PTPRT: variants seen among roughly 807,000 people sequenced by gnomAD.
PTPRT encodes the protein receptor-type tyrosine-protein phosphatase T.
Under a neutral mutation model 176.8 loss-of-function variants are expected in PTPRT, and 56 were observed. The ratio of observed to expected loss-of-function variants is 0.32; its 90% CI spans 0.26 to 0.40. The LOEUF (loss-of-function observed/expected upper bound fraction) is 0.40. Ranked by LOEUF, PTPRT falls within the 10% of genes least tolerant of loss-of-function variation. The probability of loss-of-function intolerance (pLI) is 1.00; values close to 1 mark genes in which losing one functional copy is unlikely to be tolerated. For synonymous variants in PTPRT, 783 were observed against 739.0 expected, an observed-to-expected ratio of 1.06 and a Z score of -0.96; for missense variants, 1,540 against 1,908.2, an observed-to-expected ratio of 0.81 and a Z score of 3.60.
In PTPRT at chr20:43,010,729, G is replaced by GA. The variant is rs140518179; in HGVS notation, c.89-124798dup. Among the ~76,000 whole-genome samples the GA allele has an allele frequency of 9.4e-4, 133 of 141,142 alleles. 1 individual carries two copies. Among genetic ancestry groups the GA allele is most frequent in the South Asian group, 3.9e-3 (17 of 4,340 alleles). 92.6% of individuals were successfully genotyped at this position (141,142 alleles called of 152,430 possible). A position where few individuals can be genotyped will look rare whatever the true frequency, so the allele number is the denominator to read the frequency against. On this transcript the variant is annotated intron_variant, in intron 1 of 30. Transcript: ENST00000373187. The stretch of plus-strand genomic sequence containing the variant: ...AGTTGCATGAATCCACCACTTGCAA[G>GA]AAAAAAAAAAAAAGAATAAAAGGCA...
At chr20:42,628,743 A>T (rs1336999658) in intron 7 of PTPRT, among the ~76,000 whole-genome samples, 1 of 152,202 alleles carries the variant, frequency 6.6e-6, no homozygotes, top group Non-Finnish European at 1.5e-5. Flanking sequence ...AGCAAAATTC[A>T]GCCCATGGGC....
intron 16 of PTPRT, among the ~76,000 whole-genome samples, chr20:42,184,583 T>TTCTTCTTCTTCTTCTTCC (rs1471645810): frequency 7.1e-6 from 1 of 141,628 alleles, no homozygotes; most frequent in Admixed American, 7.3e-5. Flanking sequence ...CTTCTTCTTC[T>TTCTTCTTCTTCTTCTTCC]TCTTCTTCTT....
chr20:42,380,521 A>C (rs985516227), intron 9 of PTPRT, among the ~76,000 whole-genome samples: 4 of 152,182 alleles, frequency 2.6e-5, no homozygotes, highest in African/African-American at 9.7e-5. Context: ...GGAACAGAGA[A>C]TGTGTCTCCC....
intron 1 of PTPRT, among the ~76,000 whole-genome samples, chr20:42,955,023 G>T (rs1188178605): frequency 6.7e-6 from 1 of 149,872 alleles, no homozygotes; most frequent in African/African-American, 2.5e-5. Flanking sequence ...GAGGGAGGAG[G>T]AGTTACACAG....
Position 42,600,378 on chromosome 20 carries a change from G to A in PTPRT, c.1153+77488C>T, listed in dbSNP as rs140162462. 2.3e-3 allele frequency among the ~76,000 whole-genome samples: 344 copies of A among 152,322 alleles called. 7 individuals carry two copies. The highest frequency in any genetic ancestry group is 0.019 in the East Asian group (97 of 5,186). ...TGGTCTTGAACTCCTGACTTCAAGT[G>A]ATCTGCCTGCATTGGCCTCCCAAAG... On this transcript the variant is annotated intron_variant, in intron 7 of 30. Coordinates refer to ENST00000373187, the MANE Select transcript of PTPRT (RefSeq NM_007050.6).
At chr20:42,386,090 C>T (rs2058741635) in intron 9 of PTPRT, among the ~76,000 whole-genome samples, 1 of 152,164 alleles carries the variant, frequency 6.6e-6, no homozygotes, top group Admixed American at 6.5e-5. Flanking sequence ...TGTTATTTTA[C>T]TCACACACAC....
At chr20:43,127,283 C>T (rs1206910889) in intron 1 of PTPRT, among the ~76,000 whole-genome samples, 1 of 151,828 alleles carries the variant, frequency 6.6e-6, no homozygotes, top group Non-Finnish European at 1.5e-5. Flanking sequence ...ATTAGCCGGG[C>T]GTGGTGGTGG....
intron 6 of PTPRT, among the ~76,000 whole-genome samples, chr20:42,713,182 C>T (rs182658615): frequency 6.8e-6 from 1 of 148,124 alleles, no homozygotes; most frequent in Admixed American, 6.7e-5. Flanking sequence ...CACACACACA[C>T]AGAGTAACAT....
At chr20:42,339,992 C>G (rs1290854917) in intron 11 of PTPRT, among the ~76,000 whole-genome samples, 1 of 152,160 alleles carries the variant, frequency 6.6e-6, no homozygotes, top group Non-Finnish European at 1.5e-5. Flanking sequence ...CAAATAACCT[C>G]TCTGAAACCA....
intron 1 of PTPRT, among the ~76,000 whole-genome samples, chr20:43,150,488 G>A (rs544154426): frequency 5.3e-5 from 8 of 151,746 alleles, no homozygotes; most frequent in Admixed American, 2.6e-4. Context: ...ATTGAGTCTC[G>A]CTCTGTCGCC....
At chr20:42,488,735 C>T (rs895841150) in intron 7 of PTPRT, among the ~76,000 whole-genome samples, 2 of 152,076 alleles carry the variant, frequency 1.3e-5, no homozygotes, top group African/African-American at 2.4e-5. Flanking sequence ...GAGGCCGAGG[C>T]GGGTGGATCA....
chr20:42,833,351 C>T (rs1014045843), intron 2 of PTPRT, among the ~76,000 whole-genome samples: 1 of 150,608 alleles, frequency 6.6e-6, no homozygotes, highest in African/African-American at 2.4e-5. Flanking sequence ...ACAAGAGGAT[C>T]GCCTGAGCCC....
At chr20:42,248,174 G>A (rs1218202094) in intron 14 of PTPRT, among the ~76,000 whole-genome samples, 2 of 152,136 alleles carry the variant, frequency 1.3e-5, no homozygotes, top group Non-Finnish European at 2.9e-5. Flanking sequence ...GCCTGTAATA[G>A]GACTTGTAAT....
chr20:42,358,587 A>G (rs1420342054), intron 9 of PTPRT, among the ~76,000 whole-genome samples: 2 of 152,184 alleles, frequency 1.3e-5, no homozygotes, highest in East Asian at 1.9e-4. Flanking sequence ...GATGAGGAGC[A>G]TGGGAGAAGG....
Position 42,199,285 on chromosome 20 carries a change from T to C in PTPRT, c.2446A>G (p.Asn816Asp), listed in dbSNP as rs768093098. The C allele has an allele frequency of 6.2e-6, 10 of 1,614,180 alleles. No individual in the cohort carries two copies. The highest frequency in any genetic ancestry group is 3.3e-4 in the Middle Eastern group (2 of 6,060). The change falls in exon 16 of 31, where the codon AAT becomes GAT. Residue 816 changes from asparagine (N) to aspartate (D), a missense_variant. Coordinates refer to ENST00000373187, the MANE Select transcript of PTPRT (RefSeq NM_007050.6). Reference sequence around the variant, plus strand: ...GAACTAGAAGAGAAGCCTTCATCATTGCGGCTGGCGCTGAGCTTGGTGGTG... The same window carrying C: ...GAACTAGAAGAGAAGCCTTCATCATCGCGGCTGGCGCTGAGCTTGGTGGTG... ...KPTTKLSASR[N>D]DEGFSSSSQD...
At chr20:42,626,523 T>C (rs1459270715) in intron 7 of PTPRT, among the ~76,000 whole-genome samples, 1 of 152,198 alleles carries the variant, frequency 6.6e-6, no homozygotes, top group Non-Finnish European at 1.5e-5. Context: ...CACTACTAAA[T>C]GCAGCAAGCT....
chr20:42,258,032 A>G (rs1026059892), intron 13 of PTPRT, among the ~76,000 whole-genome samples: 2 of 152,160 alleles, frequency 1.3e-5, no homozygotes, highest in Non-Finnish European at 2.9e-5. Context: ...TCACCTCTCT[A>G]ATAAATAGGG....
At chr20:42,705,326 G>A (rs1186707415) in intron 6 of PTPRT, among the ~76,000 whole-genome samples, 1 of 151,998 alleles carries the variant, frequency 6.6e-6, no homozygotes, top group African/African-American at 2.4e-5. Context: ...CGAGAAAGGA[G>A]TCAGCGAAGG....
intron 11 of PTPRT, among the ~76,000 whole-genome samples, chr20:42,325,174 G>T (rs117630589): frequency 6.6e-6 from 1 of 152,086 alleles, no homozygotes; most frequent in Non-Finnish European, 1.5e-5. Context: ...TGGGAAGGAA[G>T]GAACCTACAG....
Sources: allele counts gnomAD v4.1 joint callset (sites outside exome capture counted in the v4.1 genomes callset), GRCh38; gene constraint gnomAD v4.1.1; transcripts MANE v1.5; gene names NCBI Gene and HGNC (gene_info 2026-07-23, HGNC 2026-07-21).